Variants in FGF3 observed in about 807,000 individuals in gnomAD.
FGF3 encodes fibroblast growth factor 3, also known as FGF-3.
Under a neutral mutation model 9.8 loss-of-function variants are expected in FGF3, and 7 were observed. The ratio of observed to expected loss-of-function variants is 0.72; its 90% CI spans 0.41 to 1.35. The LOEUF is 1.35. FGF3 is among the 40% of genes most tolerant of loss of function. The pLI is 0.01. For missense variants in FGF3, 390 were observed against 345.6 expected (o/e 1.13, Z -1.02); for synonymous variants, 173 against 157.2 (o/e 1.10, Z -0.75).
At chr11:69,811,450 CAAAAAA>C (rs33951596) in intron 2 of FGF3, among the ~76,000 whole-genome samples, 1 of 97,362 alleles carries the variant, frequency 1.0e-5, no homozygotes, top group Non-Finnish European at 2.1e-5. Context: ...AACTCTGACT[CAAAAAA>C]AAAAAAAAAA....
chr11:69,819,212 A>G lies in FGF3; in HGVS notation c.-279T>C, dbSNP rs1856198933. On this transcript the variant is annotated 5_prime_UTR_variant, in exon 1 of 3. Transcript: ENST00000334134. ...TTTCCGTTGCTGCGCAAAGCGCTGA[A>G]AGAAAGGACGGTTCGCCAACAAAAG... Among the ~76,000 whole-genome samples, 1 of 151,982 alleles carries G rather than the reference A, an allele frequency of 6.6e-6. No homozygotes were observed. The highest frequency in any genetic ancestry group is 2.1e-4 in the South Asian group (1 of 4,824).
At chr11:69,812,167 C>T (rs185197905) in intron 2 of FGF3, among the ~76,000 whole-genome samples, 157 of 152,256 alleles carry the variant, frequency 1.0e-3, no homozygotes, top group South Asian at 3.7e-3. Context: ...TCTCTTTCCT[C>T]CTGGGGACTG....
chr11:69,810,748 G>A (rs1554980406), intron 2 of FGF3, 48 bp from the exon 3 acceptor site: 3 of 1,481,984 alleles, frequency 2.0e-6, no homozygotes, highest in South Asian at 1.4e-5. Context: ...GACTGTGGCA[G>A]CGTCAGGGCC....
chr11:69,816,737 C>T (rs1249872772), intron 1 of FGF3, among the ~76,000 whole-genome samples: 1 of 152,230 alleles, frequency 6.6e-6, no homozygotes, highest in Non-Finnish European at 1.5e-5. Flanking sequence ...CTGCCATCAT[C>T]ATCCGACAGA....
Position 69,810,507 on chromosome 11 carries a change from T to G in FGF3, c.518A>C (p.Gln173Pro). The change falls in exon 3 of 3, where the codon CAG (glutamine) becomes CCG (proline). Residue 173 changes from glutamine (Q) to proline (P), a missense_variant. By Grantham distance (76) the Gln-to-Pro change is moderately conservative. Coordinates refer to ENST00000334134, the MANE Select transcript of FGF3 (RefSeq NM_005247.4). The part of the protein sequence containing the change: ...PRRGFKTRRT[Q>P]KSSLFLPRVL... Reference sequence around the variant, plus strand: ...GCGGGGCAGGAACAGGGAGGACTTCTGTGTGCGGCGGGTCTTGAAGCCCCT... The same window carrying G: ...GCGGGGCAGGAACAGGGAGGACTTCGGTGTGCGGCGGGTCTTGAAGCCCCT... 1 of 1,611,278 alleles carries G rather than the reference T, an allele frequency of 6.2e-7. No homozygotes were observed. Among genetic ancestry groups the G allele is most frequent in the Non-Finnish European group, 8.5e-7 (1 of 1,179,086 alleles).
chr11:69,814,243 C>T (rs1303232513), intron 2 of FGF3, among the ~76,000 whole-genome samples: 3 of 151,938 alleles, frequency 2.0e-5, no homozygotes, highest in Admixed American at 6.6e-5. Flanking sequence ...TTAAGGCGTG[C>T]TCTCAGGGAT....
intron 2 of FGF3, among the ~76,000 whole-genome samples, chr11:69,815,679 C>T (rs1385372086): frequency 5.3e-5 from 8 of 152,172 alleles, no homozygotes; most frequent in Non-Finnish European, 1.5e-5. Context: ...ATGTATTTTA[C>T]TCTGTGTATT....
rs1193463033 is a variant in FGF3 at position 69,819,378 on chromosome 11, C to T, written c.-445G>A. On this transcript the variant is annotated 5_prime_UTR_variant, in exon 1 of 3. Transcript: ENST00000334134. ...CCGCCGTCGAGCCGCGGCTCCGCTC[C>T]GCAGCGCGCCCCACGCCCCCGAAAG... is the stretch of plus-strand genomic sequence containing the variant. 6.6e-6 allele frequency among the ~76,000 whole-genome samples: 1 copy of T among 151,748 alleles called. No individual in the cohort carries two copies. The highest frequency in any genetic ancestry group is 1.5e-5 in the Non-Finnish European group (1 of 67,870).
intron 1 of FGF3, 133 bp downstream of exon 1, chr11:69,818,581 G>T (rs1017622513): frequency 1.4e-5 from 8 of 569,906 alleles, no homozygotes; most frequent in Non-Finnish European, 1.9e-5. Flanking sequence ...CACCCCGGGC[G>T]CACCATGCCT....
At chr11:69,818,008 C>T (rs1856168607) in intron 1 of FGF3, among the ~76,000 whole-genome samples, 2 of 152,226 alleles carry the variant, frequency 1.3e-5, no homozygotes, top group African/African-American at 4.8e-5. Flanking sequence ...GCTCGTGATC[C>T]GCACGTCCCG....
intron 2 of FGF3, among the ~76,000 whole-genome samples, chr11:69,814,099 A>G (rs1306018127): frequency 6.6e-6 from 1 of 151,578 alleles, no homozygotes; most frequent in Non-Finnish European, 1.5e-5. Flanking sequence ...GGAGAGGTGT[A>G]TGGACAGATG....
chr11:69,814,370 G>A (rs1156276735), intron 2 of FGF3, among the ~76,000 whole-genome samples: 1 of 152,026 alleles, frequency 6.6e-6, no homozygotes, highest in African/African-American at 2.4e-5. Flanking sequence ...CTCTGGGTGA[G>A]AGTGAGTGGC....
intron 2 of FGF3, among the ~76,000 whole-genome samples, chr11:69,815,488 G>T (rs1207355485): frequency 6.6e-6 from 1 of 152,180 alleles, no homozygotes; most frequent in Non-Finnish European, 1.5e-5. Context: ...CAGCTTCTGC[G>T]AGAGGGAGCT....
chr11:69,811,615 G>A (rs1856032761), intron 2 of FGF3, among the ~76,000 whole-genome samples: 1 of 152,184 alleles, frequency 6.6e-6, no homozygotes, highest in Non-Finnish European at 1.5e-5. Flanking sequence ...ATTGACCCCT[G>A]AGCAACACTC....
At chr11:69,817,405 G>C (rs1856151671) in intron 1 of FGF3, 1 of 152,290 alleles carries the variant, frequency 6.6e-6, no homozygotes, top group Middle Eastern at 3.2e-3. Context: ...GCCTGACCGG[G>C]GACCAGCGAA....
Position 69,810,542 on chromosome 11 carries a change from G to A in FGF3, c.483C>T (p.Gly161=), listed in dbSNP as rs2119905373. ...RLWYVSVNGK[G]RPRRGFKTRR... ...GGGTCTTGAAGCCCCTGCGGGGCCG[G>A]CCCTTGCCGTTCACAGACACGTACC... The change falls in exon 3 of 3, where the codon GGC becomes GGT. Residue 161 remains glycine, a synonymous_variant. Coordinates refer to ENST00000334134, the MANE Select transcript of FGF3 (RefSeq NM_005247.4). 1.9e-6 allele frequency: 3 copies of A among 1,612,510 alleles called. No homozygotes were observed. Among genetic ancestry groups the A allele is most frequent in the Non-Finnish European group, 1.7e-6 (2 of 1,179,672 alleles).
chr11:69,814,011 G>A (rs1313863166), intron 2 of FGF3, among the ~76,000 whole-genome samples: 1 of 151,954 alleles, frequency 6.6e-6, no homozygotes, highest in East Asian at 1.9e-4. Flanking sequence ...GGATGGACAT[G>A]TGAATGGGCA....
At chr11:69,816,075 T>A (rs1856127200) in intron 2 of FGF3, among the ~76,000 whole-genome samples, 1 of 152,154 alleles carries the variant, frequency 6.6e-6, no homozygotes, top group Non-Finnish European at 1.5e-5. Flanking sequence ...AAACCTTTGC[T>A]AACCTGGCAT....
rs893010352 is a variant in FGF3, at chr11:69,819,199, C to A, written c.-266G>T. ...AGGAGCAATGAAATTTCCGTTGCTG[C>A]GCAAAGCGCTGAAAGAAAGGACGGT... On this transcript the variant is annotated 5_prime_UTR_variant, in exon 1 of 3. Transcript: ENST00000334134. Among the ~76,000 whole-genome samples the A allele has an allele frequency of 2.6e-5, 4 of 151,998 alleles. No homozygotes were observed. Among genetic ancestry groups the A allele is most frequent in the Non-Finnish European group, 5.9e-5 (4 of 67,986 alleles).
Sources: allele counts gnomAD v4.1 joint callset (sites outside exome capture counted in the v4.1 genomes callset), GRCh38; gene constraint gnomAD v4.1.1; transcripts MANE v1.5; gene names NCBI Gene and HGNC (gene_info 2026-07-23, HGNC 2026-07-21).